Variants in CHD2 observed in about 807,000 individuals in gnomAD.
The protein encoded by CHD2 is chromodomain helicase DNA binding protein 2.
Under a neutral mutation model 243.9 loss-of-function variants are expected in CHD2, and 28 were observed. That is an observed-to-expected ratio of 0.11 (90% confidence interval 0.09 to 0.16). CHD2 has a LOEUF of 0.16. Ranked by LOEUF, CHD2 falls within the 10% of genes least tolerant of loss-of-function variation. The pLI, the probability that CHD2 is intolerant of heterozygous loss-of-function variation, is 1.00. For synonymous variants in CHD2, 775 were observed against 779.0 expected (o/e 0.99, Z 0.09); for missense variants, 1,386 against 2,209.8 (o/e 0.63, Z 7.47).
chr15:93,022,177 G>C (rs2054542200), intron 38 of CHD2: 1 of 152,218 alleles, frequency 6.6e-6, no homozygotes, highest in Non-Finnish European at 1.5e-5. Flanking sequence ...CAGTTCCGCA[G>C]GCTGTACAAG....
At chr15:93,003,265 C>T (rs1313471336) in intron 33 of CHD2, among the ~76,000 whole-genome samples, 1 of 131,644 alleles carries the variant, frequency 7.6e-6, no homozygotes, top group African/African-American at 2.9e-5. Flanking sequence ...CCAGCTTGGG[C>T]AACAGAGGAA....
In CHD2 at chr15:92,946,255, A is replaced by G. The variant is rs933086337; in HGVS notation, c.1377+39A>G. 3.3e-6 allele frequency: 5 copies of G among 1,521,678 alleles called. No individual in the cohort carries two copies. The African/African-American group carries it at 6.9e-5, about 21-fold the overall frequency. The allele number at this position is 1,521,678 out of a possible 1,614,324, so 94.3% of individuals were successfully genotyped here. A position where few individuals can be genotyped will look rare whatever the true frequency, so the allele number is the denominator to read the frequency against. ...TGGCTTTTGTTTTTTCAGGGAGAAGATATACTGATAAAGAGGATTGGACAC... is the reference window on the plus strand; with the variant it reads ...TGGCTTTTGTTTTTTCAGGGAGAAGGTATACTGATAAAGAGGATTGGACAC... On this transcript the variant is annotated intron_variant, in intron 12 of 38. Transcript: ENST00000394196.
chr15:92,984,392 G>T lies in CHD2; in HGVS notation c.3129G>T (p.Trp1043Cys). ...TAGAAGAGCGTCCTCACAAGGACTG[G>T]GATGAGATCATTCCAGAGGAACAAA... is the stretch of plus-strand genomic sequence containing the variant. Reference protein sequence around the residue: ...EELEERPHKDWDEIIPEEQRK... With the variant: ...EELEERPHKDCDEIIPEEQRK... The change falls in exon 25 of 39, where the codon TGG (tryptophan) becomes TGT (cysteine). Residue 1043 changes from tryptophan to cysteine, a missense_variant. Trp to Cys is a radical substitution (Grantham distance 215). Coordinates refer to ENST00000394196, the MANE Select transcript of CHD2 (RefSeq NM_001271.4). The T allele has an allele frequency of 6.2e-7, 1 of 1,610,272 alleles. No homozygotes were observed. The highest frequency in any genetic ancestry group is 2.2e-5 in the East Asian group (1 of 44,738).
chr15:92,916,801 C>G (rs2052846270), intron 2 of CHD2, among the ~76,000 whole-genome samples: 1 of 152,194 alleles, frequency 6.6e-6, no homozygotes, highest in East Asian at 1.9e-4. Context: ...ATCTGACCAC[C>G]TCGGCCTCCC....
chr15:92,974,634 C>T, intron 19 of CHD2: 1 of 386,482 alleles, frequency 2.6e-6, no homozygotes, highest in Non-Finnish European at 4.8e-6. Context: ...CATTCTGATC[C>T]TTGGCTAAAC....
At chr15:92,987,615 GGA>G (rs2054060495) in intron 26 of CHD2, among the ~76,000 whole-genome samples, 1 of 64,496 alleles carries the variant, frequency 1.6e-5, no homozygotes, top group South Asian at 7.7e-4. Flanking sequence ...AAAAGAAGAA[GGA>G]AAAAAAAAAA....
intron 18 of CHD2, 59 bp from the exon 19 acceptor site, chr15:92,972,206 T>C (rs1389844185): frequency 6.5e-7 from 1 of 1,541,756 alleles, no homozygotes; most frequent in Non-Finnish European, 8.9e-7. Flanking sequence ...TTGTAGAGAT[T>C]AGGGAAGATT....
At chr15:92,929,464 T>A (rs1389227128) in intron 5 of CHD2, among the ~76,000 whole-genome samples, 1 of 152,212 alleles carries the variant, frequency 6.6e-6, no homozygotes. Flanking sequence ...TTGCTATTTT[T>A]ATGGCAAAAT....
intron 37 of CHD2, among the ~76,000 whole-genome samples, chr15:93,015,943 C>T (rs1204150919): frequency 1.3e-5 from 2 of 152,172 alleles, no homozygotes; most frequent in African/African-American, 4.8e-5. Flanking sequence ...GAAAACAATG[C>T]AGAGATGCCT....
At chr15:92,922,779 G>A (rs1178545478) in intron 2 of CHD2, among the ~76,000 whole-genome samples, 1 of 152,146 alleles carries the variant, frequency 6.6e-6, no homozygotes, top group African/African-American at 2.4e-5. Context: ...ATCCGTTTGA[G>A]GTCTTTTTGC....
At chr15:92,920,143 C>T (rs527446960) in intron 2 of CHD2, among the ~76,000 whole-genome samples, 47 of 145,796 alleles carry the variant, frequency 3.2e-4, no homozygotes, top group Non-Finnish European at 5.2e-4. Context: ...GACAGAAAAA[C>T]GGCTTTTTTT....
intron 2 of CHD2, chr15:92,904,261 A>C (rs1014141787): frequency 6.3e-6 from 1 of 158,020 alleles, no homozygotes; most frequent in Admixed American, 6.5e-5. Flanking sequence ...CTCGCCAAAC[A>C]GCAGGAAGTT....
chr15:92,959,095 GAA>G (rs1447200476), intron 16 of CHD2, among the ~76,000 whole-genome samples: 2 of 152,188 alleles, frequency 1.3e-5, no homozygotes, highest in Non-Finnish European at 2.9e-5. Context: ...TGATTTTGAT[GAA>G]GTTTAATTTA....
At chr15:92,987,335 C>T (rs556397048) in intron 26 of CHD2, among the ~76,000 whole-genome samples, 48 of 152,176 alleles carry the variant, frequency 3.2e-4, no homozygotes, top group Admixed American at 2.9e-3. Context: ...TGGTGGTTCA[C>T]GCCTGTAATC....
intron 20 of CHD2, among the ~76,000 whole-genome samples, chr15:92,976,708 T>A (rs935508434): frequency 1.3e-4 from 19 of 151,804 alleles, no homozygotes; most frequent in African/African-American, 4.3e-4. Flanking sequence ...AAATTTAATT[T>A]CTAGGCCCAT....
chr15:92,992,889 G>A lies in CHD2; in HGVS notation c.3486G>A (p.Leu1162=), dbSNP rs1229609376. ...RLECIARDAE[L]VDKSVADLKR... ...AGTGCATAGCACGTGATGCTGAGCT[G>A]GTAGATAAGTCGGTGGCAGATCTGA... Residue 1162 remains leucine (L), a synonymous_variant, in exon 28 of 39, where the codon CTG becomes CTA. Coordinates refer to ENST00000394196, the MANE Select transcript of CHD2 (RefSeq NM_001271.4). 1 of 1,613,962 alleles carries A rather than the reference G, an allele frequency of 6.2e-7. No individual in the cohort carries two copies. The highest frequency in any genetic ancestry group is 1.3e-5 in the African/African-American group (1 of 75,052).
At chr15:92,990,035 G>A (rs184428638) in intron 26 of CHD2, among the ~76,000 whole-genome samples, 324 of 152,248 alleles carry the variant, frequency 2.1e-3, no homozygotes, top group African/African-American at 6.5e-3. Flanking sequence ...GCCTCAGGCC[G>A]TCATGGTGTT....
At chr15:92,918,599 G>A (rs1302880975) in intron 2 of CHD2, among the ~76,000 whole-genome samples, 1 of 152,038 alleles carries the variant, frequency 6.6e-6, no homozygotes, top group African/African-American at 2.4e-5. Flanking sequence ...CACTAACTCA[G>A]TTTGACCCTT....
At chr15:93,020,341 A>G (rs1356171660) in intron 38 of CHD2, 83 bp downstream of exon 38, 1 of 1,519,160 alleles carries the variant, frequency 6.6e-7, no homozygotes, top group Non-Finnish European at 9.1e-7. Context: ...ACATGAATGT[A>G]TTTATCTATC....
Sources: allele counts gnomAD v4.1 joint callset (sites outside exome capture counted in the v4.1 genomes callset), GRCh38; gene constraint gnomAD v4.1.1; transcripts MANE v1.5; gene names NCBI Gene and HGNC (gene_info 2026-07-23, HGNC 2026-07-21).